The following RABGAP1L variants were observed in gnomAD, a reference collection of about 807,000 sequenced individuals.
RABGAP1L encodes RAB GTPase activating protein 1 like.
A neutral mutation model predicts 137.7 loss-of-function variants in RABGAP1L; 63 were observed. The ratio of observed to expected loss-of-function variants is 0.46; its 90% confidence interval spans 0.37 to 0.56. RABGAP1L has a LOEUF of 0.56. RABGAP1L is among the 20% of genes least tolerant of loss of function. RABGAP1L has a pLI of 0.00. For synonymous variants in RABGAP1L, 431 were observed against 433.7 expected (o/e 0.99, Z 0.08); for missense variants, 1,095 against 1,244.0 (o/e 0.88, Z 1.80).
chr1:174,860,866 T>A (rs766140827), intron 19 of RABGAP1L, among the ~76,000 whole-genome samples: 52 of 152,192 alleles, frequency 3.4e-4, no homozygotes, highest in Non-Finnish European at 6.0e-4. Flanking sequence ...GTGAAATAAT[T>A]ACCACAGTCA....
Position 174,630,556 on chromosome 1 carries a change from G to T in RABGAP1L, c.1711-6819G>T, listed in dbSNP as rs1673288070. ...TTTGGTTGGTAAACTATTGATTATT[G>T]CCACAATTTCAGCTCCTGTTATTGG... On this transcript the variant is annotated intron_variant, in intron 13 of 25. Transcript: ENST00000681986. Among the ~76,000 whole-genome samples the T allele has an allele frequency of 3.8e-5, 4 of 106,532 alleles. No individual in the cohort carries two copies. The South Asian group carries it at 1.5e-3, about 39-fold the overall frequency. 69.9% of individuals were successfully genotyped at this position (106,532 alleles called of 152,430 possible).
At chr1:174,672,712 CTT>C (rs903449060) in intron 14 of RABGAP1L, among the ~76,000 whole-genome samples, 4 of 151,874 alleles carry the variant, frequency 2.6e-5, no homozygotes, top group African/African-American at 9.7e-5. Flanking sequence ...TTTTCATTGA[CTT>C]ATTGATTGTT....
chr1:174,347,094 C>T (rs1185417793), intron 11 of RABGAP1L, among the ~76,000 whole-genome samples: 6 of 151,882 alleles, frequency 4.0e-5, no homozygotes, highest in African/African-American at 1.2e-4. Context: ...GATATAATTT[C>T]AGTTTTTAAA....
intron 19 of RABGAP1L, among the ~76,000 whole-genome samples, chr1:174,942,807 T>C (rs1666114773): frequency 6.6e-6 from 1 of 152,204 alleles, no homozygotes; most frequent in Non-Finnish European, 1.5e-5. Flanking sequence ...GCTTTGCAGT[T>C]CTCCGCCTCC....
intron 19 of RABGAP1L, among the ~76,000 whole-genome samples, chr1:174,891,472 A>G (rs1435646018): frequency 6.6e-6 from 1 of 152,146 alleles, no homozygotes; most frequent in East Asian, 1.9e-4. Flanking sequence ...GTTTGCCAAA[A>G]AGGTGTAGTC....
intron 12 of RABGAP1L, among the ~76,000 whole-genome samples, chr1:174,383,587 A>G (rs1401962241): frequency 6.6e-6 from 1 of 152,160 alleles, no homozygotes; most frequent in African/African-American, 2.4e-5. Context: ...TTTGACTGGG[A>G]AAGGGAACTC....
chr1:174,864,597 GA>G (rs747074405), intron 19 of RABGAP1L, among the ~76,000 whole-genome samples: 4 of 152,108 alleles, frequency 2.6e-5, no homozygotes, highest in Non-Finnish European at 5.9e-5. Flanking sequence ...ACTATCACAA[GA>G]ACAGCATGGG....
At chr1:174,230,627 A>G (rs1670566169) in intron 3 of RABGAP1L, among the ~76,000 whole-genome samples, 2 of 152,152 alleles carry the variant, frequency 1.3e-5, no homozygotes, top group African/African-American at 4.8e-5. Context: ...GAGGGAAGCC[A>G]TCTGGGGAGA....
chr1:174,818,568 A>C (rs1008974657), intron 19 of RABGAP1L, among the ~76,000 whole-genome samples: 1 of 152,164 alleles, frequency 6.6e-6, no homozygotes. Flanking sequence ...GAGAGGATGG[A>C]AAATGGAAGA....
At chr1:174,429,699 A>G (rs898079788) in intron 13 of RABGAP1L, among the ~76,000 whole-genome samples, 5 of 151,964 alleles carry the variant, frequency 3.3e-5, no homozygotes, top group African/African-American at 1.2e-4. Context: ...AGATTGTGCC[A>G]TTGCACTCCA....
At chr1:174,792,649 A>G (rs943072333) in intron 18 of RABGAP1L, among the ~76,000 whole-genome samples, 1 of 152,252 alleles carries the variant, frequency 6.6e-6, no homozygotes, top group Admixed American at 6.5e-5. Flanking sequence ...AAGTACATCA[A>G]ATTATACATA....
At chr1:174,888,801 A>G (rs2149110972) in intron 19 of RABGAP1L, among the ~76,000 whole-genome samples, 1 of 151,854 alleles carries the variant, frequency 6.6e-6, no homozygotes, top group Middle Eastern at 3.4e-3. Flanking sequence ...CCGGCCAGCT[A>G]TTTCTGTTTT....
At chr1:174,244,355 G>GT (rs1248385714) in intron 5 of RABGAP1L, 2 of 152,212 alleles carry the variant, frequency 1.3e-5, no homozygotes, top group Non-Finnish European at 2.9e-5. Flanking sequence ...TGAAGCAGGA[G>GT]TAGCAGCATG....
chr1:174,736,424 G>A (rs1682948588), intron 17 of RABGAP1L, among the ~76,000 whole-genome samples: 1 of 152,228 alleles, frequency 6.6e-6, no homozygotes, highest in Non-Finnish European at 1.5e-5. Flanking sequence ...CTGCCCCTGT[G>A]GCTTTGCAGG....
chr1:174,503,727 T>A (rs1410309969), intron 13 of RABGAP1L, among the ~76,000 whole-genome samples: 1 of 148,738 alleles, frequency 6.7e-6, no homozygotes, highest in Non-Finnish European at 1.5e-5. Context: ...AATAAGGAAC[T>A]ATCTAAACAA....
intron 19 of RABGAP1L, among the ~76,000 whole-genome samples, chr1:174,816,245 C>T (rs371148825): frequency 3.3e-5 from 5 of 151,038 alleles, no homozygotes; most frequent in East Asian, 3.9e-4. Flanking sequence ...CTCCGCCTCC[C>T]GGATTCAAGC....
intron 3 of RABGAP1L, among the ~76,000 whole-genome samples, chr1:174,227,795 C>T (rs1268623398): frequency 6.7e-6 from 1 of 150,368 alleles, no homozygotes; most frequent in Non-Finnish European, 1.5e-5. Flanking sequence ...AGATTTTATG[C>T]TTCTGCTCTC....
intron 1 of RABGAP1L, among the ~76,000 whole-genome samples, chr1:174,175,176 A>G (rs578066233): frequency 6.6e-6 from 1 of 152,250 alleles, no homozygotes; most frequent in Non-Finnish European, 1.5e-5. Flanking sequence ...AGATTATGGA[A>G]TGCTAGACAT....
chr1:174,393,802 T>C (rs1182543957), intron 12 of RABGAP1L, among the ~76,000 whole-genome samples, 193 bp from the exon 13 acceptor site: 2 of 152,162 alleles, frequency 1.3e-5, no homozygotes, highest in South Asian at 4.1e-4. Context: ...GGTTCACCAA[T>C]AAGAAGATGA....
Sources: gnomAD v4.1 joint callset for allele counts (sites outside exome capture counted in the v4.1 genomes callset) on GRCh38, gnomAD v4.1.1 for gene constraint, MANE v1.5 for transcripts, NCBI Gene and HGNC (gene_info 2026-07-23, HGNC 2026-07-21) for gene names.